The following HEMK2 variants were observed in gnomAD, a reference collection of about 807,000 sequenced individuals.
HEMK2 encodes HemK methyltransferase 2, ETF1 glutamine and histone H4 lysine, also known as methyltransferase HEMK2.
the HEMK2 span, among the ~76,000 whole-genome samples, chr21:28,847,282 T>A: frequency 2.6e-5 from 4 of 152,194 alleles, no homozygotes; most frequent in South Asian, 8.3e-4. Context: ...CTCACCAGCA[T>A]CATTTATTTC....
chr21:28,615,560 T>C, the HEMK2 span, among the ~76,000 whole-genome samples: 7 of 152,274 alleles, frequency 4.6e-5, no homozygotes, highest in African/African-American at 1.4e-4. Flanking sequence ...AGCTTTCAGA[T>C]TCTGCTCATT....
chr21:28,858,281 A>C, the HEMK2 span, among the ~76,000 whole-genome samples: 4 of 151,962 alleles, frequency 2.6e-5, no homozygotes, highest in Admixed American at 1.3e-4. Flanking sequence ...CTTCACCTCT[A>C]CTTCTTCCTT....
chr21:28,777,102 G>A, the HEMK2 span, among the ~76,000 whole-genome samples: 2 of 152,156 alleles, frequency 1.3e-5, no homozygotes, highest in African/African-American at 4.8e-5. Flanking sequence ...TTTTCCTTAA[G>A]CATTAAGTAA....
the HEMK2 span, among the ~76,000 whole-genome samples, chr21:28,691,120 G>A: frequency 2.6e-5 from 4 of 152,110 alleles, no homozygotes; most frequent in South Asian, 2.1e-4. Flanking sequence ...TACCTAGATC[G>A]TATTTCATGT....
chr21:28,838,972 A>AAAT, the HEMK2 span, among the ~76,000 whole-genome samples: 49 of 29,152 alleles, frequency 1.7e-3, no homozygotes, highest in Non-Finnish European at 2.2e-3. Context: ...AAAAAAAAAA[A>AAAT]ATATATATAT....
chr21:28,619,077 C>T, the HEMK2 span, among the ~76,000 whole-genome samples: 2 of 152,094 alleles, frequency 1.3e-5, no homozygotes, highest in African/African-American at 4.8e-5. Flanking sequence ...CTGACATGTA[C>T]AGAGGGAAGA....
At chr21:28,619,224 G>T in the HEMK2 span, among the ~76,000 whole-genome samples, 2 of 152,150 alleles carry the variant, frequency 1.3e-5, no homozygotes, top group East Asian at 3.9e-4. Context: ...TTCAGAGCTT[G>T]GAGACGATAC....
the HEMK2 span, among the ~76,000 whole-genome samples, chr21:28,636,764 C>T: frequency 6.6e-6 from 1 of 152,206 alleles, no homozygotes; most frequent in Non-Finnish European, 1.5e-5. Context: ...ATGTAATTAT[C>T]TGTGCTGTGA....
At chr21:28,682,956 T>C in the HEMK2 span, among the ~76,000 whole-genome samples, 5 of 152,080 alleles carry the variant, frequency 3.3e-5, no homozygotes, top group African/African-American at 9.7e-5. Flanking sequence ...AAATGACAAG[T>C]TAATGGGTGC....
At chr21:28,647,792 T>G in the HEMK2 span, among the ~76,000 whole-genome samples, 1 of 152,112 alleles carries the variant, frequency 6.6e-6, no homozygotes, top group Non-Finnish European at 1.5e-5. Context: ...AAGGCCCTCC[T>G]CCACCTCTCC....
the HEMK2 span, among the ~76,000 whole-genome samples, chr21:28,774,644 A>G: frequency 1.3e-5 from 2 of 152,338 alleles, no homozygotes; most frequent in African/African-American, 4.8e-5. Context: ...TTCCCTTGAA[A>G]TATTGTAAAT....
At chr21:28,788,102 T>C in the HEMK2 span, among the ~76,000 whole-genome samples, 3 of 148,212 alleles carry the variant, frequency 2.0e-5, no homozygotes, top group Non-Finnish European at 2.9e-5. Flanking sequence ...CAATGGAACA[T>C]AGTATTCCAT....
the HEMK2 span, among the ~76,000 whole-genome samples, chr21:28,739,569 C>T: frequency 6.6e-6 from 1 of 152,254 alleles, no homozygotes; most frequent in South Asian, 2.1e-4. Context: ...ATATTAAAAA[C>T]AAGTCTTATG....
chr21:28,644,415 A>G, the HEMK2 span, among the ~76,000 whole-genome samples: 1 of 152,140 alleles, frequency 6.6e-6, no homozygotes, highest in Non-Finnish European at 1.5e-5. Flanking sequence ...GGGTGGGGAC[A>G]CAGCAAAACC....
At chr21:28,833,464 G>A in the HEMK2 span, among the ~76,000 whole-genome samples, 1 of 152,184 alleles carries the variant, frequency 6.6e-6, no homozygotes, top group Non-Finnish European at 1.5e-5. Context: ...ATAATCTCAA[G>A]ATCTTTCTCA....
At chr21:28,812,722 C>T in the HEMK2 span, among the ~76,000 whole-genome samples, 2 of 152,134 alleles carry the variant, frequency 1.3e-5, no homozygotes, top group Admixed American at 1.3e-4. Context: ...GTACCAGCTC[C>T]TCTTTGTACC....
At chr21:28,877,728 T>G in the HEMK2 span, among the ~76,000 whole-genome samples, 1 of 152,026 alleles carries the variant, frequency 6.6e-6, no homozygotes. Context: ...AAACTTGAAG[T>G]GTACAGAAAA....
the HEMK2 span, among the ~76,000 whole-genome samples, chr21:28,594,796 T>C: frequency 6.6e-6 from 1 of 152,332 alleles, no homozygotes; most frequent in South Asian, 2.1e-4. Context: ...TGTGCTAGAA[T>C]GAAGTTTGTT....
At chr21:28,799,737 G>T in the HEMK2 span, among the ~76,000 whole-genome samples, 1 of 152,112 alleles carries the variant, frequency 6.6e-6, no homozygotes, top group Non-Finnish European at 1.5e-5. Flanking sequence ...TTTCAAAAAT[G>T]TTCCCTATTT....
Sources: gnomAD v4.1 joint callset for allele counts (sites outside exome capture counted in the v4.1 genomes callset) on GRCh38, gnomAD v4.1.1 for gene constraint, MANE v1.5 for transcripts, NCBI Gene and HGNC (gene_info 2026-07-23, HGNC 2026-07-21) for gene names.